SLC25A12: variants seen among roughly 807,000 people sequenced by gnomAD.
The protein encoded by SLC25A12 is solute carrier family 25 member 12, also known as electrogenic aspartate/glutamate antiporter SLC25A12, mitochondrial.
In SLC25A12, 32 loss-of-function variants were observed where a neutral mutation model predicts 83.3. The observed-to-expected ratio is 0.38, with a 90% confidence interval of 0.29 to 0.52. SLC25A12 has a LOEUF of 0.52. Among genes scored for constraint, SLC25A12 ranks in the 20% least tolerant of loss-of-function variants. The pLI, the probability that SLC25A12 is intolerant of heterozygous loss-of-function variation, is 0.84. For missense variants in SLC25A12, 611 were observed against 835.6 expected, an observed-to-expected ratio of 0.73 and a Z score of 3.31; for synonymous variants, 267 against 291.1, an observed-to-expected ratio of 0.92 and a Z score of 0.84.
chr2:171,888,473 G>A (rs142976030), intron 2 of SLC25A12, among the ~76,000 whole-genome samples: 152 of 151,640 alleles, frequency 1.0e-3, no homozygotes, highest in African/African-American at 3.3e-3. Context: ...AGTGAGTCTC[G>A]CTCTGTCGCC....
chr2:171,870,783 T>G (rs1200801252), intron 2 of SLC25A12, among the ~76,000 whole-genome samples: 1 of 152,190 alleles, frequency 6.6e-6, no homozygotes, highest in South Asian at 2.1e-4. Context: ...GAGTTACAAG[T>G]GGTTGCTTCT....
Position 171,855,885 on chromosome 2 carries a change from T to A in SLC25A12, c.274A>T (p.Ile92Leu), listed in dbSNP as rs751991618. The A allele has an allele frequency of 2.5e-6, 4 of 1,613,790 alleles. No individual in the cohort carries two copies. In the South Asian group the frequency reaches 3.3e-5, roughly 13 times the overall value. The change falls in exon 4 of 18, where the codon ATA (isoleucine) becomes TTA (leucine). Residue 92 changes from isoleucine (I) to leucine (L), a missense_variant. Transcript: ENST00000422440. ...TTGTCAAACAACTGGAAAGCCACTA[T>A]GAACATGGAATCTGGAGCACATAAA... is the stretch of plus-strand genomic sequence containing the variant. ...SVLCAPDSMFIVAFQLFDKSG... is the reference protein window; with the variant it reads ...SVLCAPDSMFLVAFQLFDKSG...
At chr2:171,880,210 C>G (rs1476515470) in intron 2 of SLC25A12, among the ~76,000 whole-genome samples, 1 of 152,126 alleles carries the variant, frequency 6.6e-6, no homozygotes, top group Non-Finnish European at 1.5e-5. Context: ...ACCATTTTCT[C>G]TTTTTTTGTA....
intron 13 of SLC25A12, among the ~76,000 whole-genome samples, chr2:171,800,361 C>T (rs1279101870): frequency 6.6e-6 from 1 of 150,838 alleles, no homozygotes; most frequent in African/African-American, 2.4e-5. Context: ...ATACGAATAG[C>T]CAATAAACAC....
At position 171,868,755 on chromosome 2, in the gene SLC25A12, T is replaced by G. The variant is rs1164674022; in HGVS notation, c.135A>C (p.Gly45=). Reference sequence around the variant, plus strand: ...GGTTACTATTTGGATCATTATACAGTCCAAGATAGCGCTGAACAAAGTCTT... The same window carrying G: ...GGTTACTATTTGGATCATTATACAGGCCAAGATAGCGCTGAACAAAGTCTT... ...TPEDFVQRYL[G]LYNDPNSNPK... The change falls in exon 3 of 18, where the codon GGA becomes GGC. Residue 45 remains glycine, a synonymous_variant. Transcript: ENST00000422440. The G allele has an allele frequency of 6.2e-7, 1 of 1,613,680 alleles. No homozygotes were observed. Among genetic ancestry groups the G allele is most frequent in the African/African-American group, 1.3e-5 (1 of 74,902 alleles).
intron 6 of SLC25A12, 27 bp downstream of exon 6, chr2:171,837,090 TAGAA>T: frequency 1.2e-6 from 2 of 1,611,538 alleles, no homozygotes; most frequent in Non-Finnish European, 1.7e-6. Context: ...TTTGAGGAAA[TAGAA>T]AGTTAAAGAA....
chr2:171,845,864 T>A (rs1030126954), intron 4 of SLC25A12: 1 of 454,672 alleles, frequency 2.2e-6, no homozygotes, highest in South Asian at 1.6e-5. Context: ...CTTCCCTAAG[T>A]AGGGACAAAT....
chr2:171,853,419 T>TGC (rs57066149), intron 4 of SLC25A12, among the ~76,000 whole-genome samples: 116,918 of 151,946 alleles, frequency 0.77, 46,047 homozygotes, highest in East Asian at 0.89. Flanking sequence ...CTCACGCCTG[T>TGC]AATCTCAGCA....
At chr2:171,883,555 G>A (rs367975926) in intron 2 of SLC25A12, among the ~76,000 whole-genome samples, 24 of 152,192 alleles carry the variant, frequency 1.6e-4, no homozygotes, top group African/African-American at 5.1e-4. Context: ...TGTAATCCCA[G>A]TACTTTGGGA....
At chr2:171,787,130 C>T (rs1204828385) in intron 17 of SLC25A12, among the ~76,000 whole-genome samples, 6 of 152,128 alleles carry the variant, frequency 3.9e-5, no homozygotes, top group Non-Finnish European at 8.8e-5. Context: ...TCGAGACCAG[C>T]CTGGGCAACA....
chr2:171,867,837 A>G (rs1003577883), intron 3 of SLC25A12, among the ~76,000 whole-genome samples: 1 of 152,164 alleles, frequency 6.6e-6, no homozygotes, highest in African/African-American at 2.4e-5. Context: ...TAAAAACAAC[A>G]AAATTTTTTT....
At position 171,836,883 on chromosome 2, in the gene SLC25A12, C is replaced by T. The variant is rs374298437; in HGVS notation, c.612+238G>A. ...GGTGGCTCTGAATAAAACTATGATCCGGGAAAAGATAACTCACCATCACCT... is the reference window on the plus strand; with the variant it reads ...GGTGGCTCTGAATAAAACTATGATCTGGGAAAAGATAACTCACCATCACCT... On this transcript the variant is annotated intron_variant, in intron 6 of 17. Coordinates refer to ENST00000422440, the MANE Select transcript of SLC25A12 (RefSeq NM_003705.5). Among the ~76,000 whole-genome samples, 60 of 142,370 alleles carry T rather than the reference C, an allele frequency of 4.2e-4. 2 individuals are homozygous for T. Among genetic ancestry groups the T allele is most frequent in the African/African-American group, 1.3e-3 (54 of 40,772 alleles). The allele number at this position is 142,370 out of a possible 152,430, so 93.4% of individuals were successfully genotyped here. A position where few individuals can be genotyped will look rare whatever the true frequency, so the allele number is the denominator to read the frequency against.
chr2:171,894,095 T>C, intron 1 of SLC25A12, 108 bp downstream of exon 1: 1 of 1,427,418 alleles, frequency 7.0e-7, no homozygotes, highest in Non-Finnish European at 9.6e-7. Flanking sequence ...CAGGACAAGC[T>C]ATCTAAGACC....
At chr2:171,883,038 A>G (rs952484119) in intron 2 of SLC25A12, among the ~76,000 whole-genome samples, 17 of 152,190 alleles carry the variant, frequency 1.1e-4, no homozygotes, top group African/African-American at 3.9e-4. Flanking sequence ...GTATTTGTCA[A>G]TAACTTCAGA....
chr2:171,799,195 C>T (rs1291377995), intron 13 of SLC25A12, among the ~76,000 whole-genome samples: 1 of 152,210 alleles, frequency 6.6e-6, no homozygotes, highest in African/African-American at 2.4e-5. Flanking sequence ...CAATAAATTT[C>T]TGTTGTTTAT....
chr2:171,783,923 G>A lies in SLC25A12; in HGVS notation c.*1351C>T, dbSNP rs1316983838. ...TACTAAGTAACTTGGTCTGTCTCCA[G>A]GCTCGCCTCTTGAAAATATTTGCAT... On this transcript the variant is annotated 3_prime_UTR_variant, in exon 18 of 18. Transcript: ENST00000422440. Among the ~76,000 whole-genome samples the A allele has an allele frequency of 6.6e-6, 1 of 152,182 alleles. No homozygotes were observed. Among genetic ancestry groups the A allele is most frequent in the Non-Finnish European group, 1.5e-5 (1 of 68,030 alleles).
intron 2 of SLC25A12, among the ~76,000 whole-genome samples, chr2:171,892,231 A>AC (rs1464337218): frequency 1.2e-5 from 1 of 85,306 alleles, no homozygotes; most frequent in Non-Finnish European, 2.5e-5. Context: ...CTTTACATCT[A>AC]CTTTTTTTTT....
At chr2:171,881,053 C>T (rs1685683128) in intron 2 of SLC25A12, among the ~76,000 whole-genome samples, 1 of 152,162 alleles carries the variant, frequency 6.6e-6, no homozygotes, top group Admixed American at 6.5e-5. Context: ...ATATAAAATA[C>T]TTAAAATAGT....
chr2:171,843,728 T>C (rs1684731060), intron 5 of SLC25A12, among the ~76,000 whole-genome samples: 2 of 151,740 alleles, frequency 1.3e-5, no homozygotes, highest in South Asian at 2.1e-4. Context: ...CATAATTATA[T>C]TGGGGGAAAG....
Sources: allele counts gnomAD v4.1 joint callset (sites outside exome capture counted in the v4.1 genomes callset), GRCh38; gene constraint gnomAD v4.1.1; transcripts MANE v1.5; gene names NCBI Gene and HGNC (gene_info 2026-07-23, HGNC 2026-07-21).